The following PTPRE variants were observed in gnomAD, a reference collection of about 807,000 sequenced individuals.
PTPRE encodes the protein protein tyrosine phosphatase receptor type E, also known as receptor-type tyrosine-protein phosphatase epsilon.
A neutral mutation model predicts 102.0 loss-of-function variants in PTPRE; 51 were observed. That is an observed-to-expected ratio of 0.50 (90% CI 0.40 to 0.63). The LOEUF (loss-of-function observed/expected upper bound fraction) is 0.63, where lower values mean the gene tolerates loss of function less well. Among genes scored for constraint, PTPRE ranks in the 30% least tolerant of loss-of-function variants. PTPRE has a pLI of 0.00. For synonymous variants in PTPRE, 345 were observed against 348.2 expected (o/e 0.99, Z 0.10); for missense variants, 752 against 915.1 (o/e 0.82, Z 2.30).
chr10:127,914,062 C>A (rs181816971), intron 1 of PTPRE, among the ~76,000 whole-genome samples: 1 of 152,114 alleles, frequency 6.6e-6, no homozygotes. Context: ...CTAGCGCCAT[C>A]CCTTTAGTGA....
intron 5 of PTPRE, among the ~76,000 whole-genome samples, chr10:128,048,537 A>G (rs1848284134): frequency 6.6e-6 from 1 of 152,126 alleles, no homozygotes; most frequent in Admixed American, 6.5e-5. Context: ...GGACCCTTAG[A>G]TCATTAAAAG....
chr10:128,026,235 A>G (rs1465014709), intron 2 of PTPRE, among the ~76,000 whole-genome samples: 1 of 152,198 alleles, frequency 6.6e-6, no homozygotes, highest in African/African-American at 2.4e-5. Flanking sequence ...ATGCTTCACC[A>G]TCTCTGACCT....
At chr10:128,029,781 G>A (rs1404355552) in intron 2 of PTPRE, among the ~76,000 whole-genome samples, 1 of 152,236 alleles carries the variant, frequency 6.6e-6, no homozygotes, top group African/African-American at 2.4e-5. Flanking sequence ...CCTGCCTAAG[G>A]CCCCCACAGT....
At chr10:128,039,770 G>A (rs1255719093) in intron 2 of PTPRE, among the ~76,000 whole-genome samples, 1 of 151,948 alleles carries the variant, frequency 6.6e-6, no homozygotes, top group African/African-American at 2.4e-5. Flanking sequence ...GACCTTGGAC[G>A]GGGTTCAGGG....
chr10:128,042,408 ATAGACATGGGGTGTTAC>A (rs1260307661), intron 3 of PTPRE, among the ~76,000 whole-genome samples: 1 of 152,220 alleles, frequency 6.6e-6, no homozygotes. Context: ...ACATATTGCC[ATAGACATGGGGTGTTAC>A]TTGCAGGAGG....
intron 1 of PTPRE, among the ~76,000 whole-genome samples, chr10:127,979,340 A>G (rs915363329): frequency 1.3e-5 from 2 of 152,214 alleles, no homozygotes; most frequent in African/African-American, 4.8e-5. Context: ...CTTGTTGCTC[A>G]ATATTACAGT....
chr10:128,030,205 G>A (rs567340967), intron 2 of PTPRE, among the ~76,000 whole-genome samples: 16 of 152,350 alleles, frequency 1.1e-4, no homozygotes, highest in Non-Finnish European at 2.1e-4. Flanking sequence ...GCAGTTTCCC[G>A]CAGCATGGCT....
intron 1 of PTPRE, among the ~76,000 whole-genome samples, chr10:127,921,143 C>T (rs1846570659): frequency 6.6e-6 from 1 of 152,194 alleles, no homozygotes; most frequent in African/African-American, 2.4e-5. Flanking sequence ...ATGAAATACT[C>T]GTTACGATAA....
chr10:128,045,352 G>A (rs755261938), intron 3 of PTPRE, among the ~76,000 whole-genome samples: 7 of 152,312 alleles, frequency 4.6e-5, no homozygotes, highest in South Asian at 4.1e-4. Context: ...GTGCTCCCTC[G>A]TGTCTCTCTC....
At chr10:127,943,122 A>G (rs537185406) in intron 1 of PTPRE, among the ~76,000 whole-genome samples, 1 of 152,296 alleles carries the variant, frequency 6.6e-6, no homozygotes, top group Admixed American at 6.5e-5. Flanking sequence ...AAACAGTAAG[A>G]CTGTTTAAAC....
intron 1 of PTPRE, among the ~76,000 whole-genome samples, chr10:127,961,211 C>T (rs1374421952): frequency 1.3e-5 from 2 of 152,112 alleles, no homozygotes; most frequent in East Asian, 3.9e-4. Context: ...TATTTCAGAC[C>T]ACACAAATGA....
At chr10:127,980,613 T>C (rs1851534812) in intron 1 of PTPRE, among the ~76,000 whole-genome samples, 2 of 152,166 alleles carry the variant, frequency 1.3e-5, no homozygotes, top group South Asian at 4.1e-4. Flanking sequence ...TCTTTCACCA[T>C]TAAGAATAAT....
chr10:127,981,966 G>A (rs1484545784), intron 1 of PTPRE, among the ~76,000 whole-genome samples: 1 of 152,192 alleles, frequency 6.6e-6, no homozygotes, highest in Non-Finnish European at 1.5e-5. Flanking sequence ...ACTTGAAGGG[G>A]AGGGAACCCT....
At chr10:127,993,603 G>T (rs546736083) in intron 2 of PTPRE, among the ~76,000 whole-genome samples, 8 of 152,334 alleles carry the variant, frequency 5.3e-5, no homozygotes, top group Admixed American at 5.2e-4. Context: ...CGTGGAAGAA[G>T]GGGGAGTAGG....
intron 12 of PTPRE, 162 bp from the exon 13 acceptor site, chr10:128,069,530 A>T: frequency 1.1e-6 from 1 of 905,076 alleles, no homozygotes; most frequent in Admixed American, 2.5e-5. Context: ...CTTTACTGAG[A>T]CCACAGCTCC....
chr10:128,069,388 A>G (rs758220063), intron 12 of PTPRE: 163 of 318,254 alleles, frequency 5.1e-4, no homozygotes, highest in Middle Eastern at 1.8e-3. Flanking sequence ...CCAATCACAC[A>G]TATAAGAAGA....
intron 1 of PTPRE, among the ~76,000 whole-genome samples, chr10:127,972,421 A>T (rs1564839520): frequency 6.6e-6 from 1 of 152,182 alleles, no homozygotes; most frequent in Non-Finnish European, 1.5e-5. Context: ...ATCAGACAGG[A>T]TCCTGTATGT....
chr10:127,972,701 C>CT (rs1185999235), intron 1 of PTPRE, among the ~76,000 whole-genome samples: 1 of 152,224 alleles, frequency 6.6e-6, no homozygotes, highest in Non-Finnish European at 1.5e-5. Context: ...GGTGGAGGGG[C>CT]TGACCAAGGT....
intron 1 of PTPRE, among the ~76,000 whole-genome samples, chr10:127,933,683 C>A (rs1403759531): frequency 6.6e-6 from 1 of 152,198 alleles, no homozygotes. Flanking sequence ...GGCTCCCTGG[C>A]ATTTAACAGA....
Sources: allele counts gnomAD v4.1 joint callset (sites outside exome capture counted in the v4.1 genomes callset), GRCh38; gene constraint gnomAD v4.1.1; transcripts MANE v1.5; gene names NCBI Gene and HGNC (gene_info 2026-07-23, HGNC 2026-07-21).